ZNF385D: variants seen among roughly 807,000 people sequenced by gnomAD.
ZNF385D encodes zinc finger protein 385D.
ZNF385D carries 15 observed loss-of-function variants against 35.8 expected under a neutral mutation model. That is an observed-to-expected ratio of 0.42 (90% CI 0.28 to 0.64). The LOEUF is 0.64. Ranked by LOEUF, ZNF385D falls within the 30% of genes least tolerant of loss-of-function variation. The pLI is 0.23. For missense variants in ZNF385D, 474 were observed against 494.6 expected (o/e 0.96, Z 0.39); for synonymous variants, 212 against 186.8 (o/e 1.13, Z -1.10).
At chr3:21,719,110 A>C (rs1433048187) in intron 1 of ZNF385D, among the ~76,000 whole-genome samples, 1 of 152,172 alleles carries the variant, frequency 6.6e-6, no homozygotes, top group Non-Finnish European at 1.5e-5. Context: ...GTACTGATAA[A>C]GCCCAGGCAA....
intron 3 of ZNF385D, among the ~76,000 whole-genome samples, chr3:21,546,361 T>G (rs560094740): frequency 6.6e-6 from 1 of 151,926 alleles, no homozygotes; most frequent in African/African-American, 2.4e-5. Context: ...CACCCAGAGG[T>G]TTCCTTTTGG....
At chr3:22,300,600 CAAAT>C (rs1702847890) in intron 2 of ZNF385D, among the ~76,000 whole-genome samples, 1 of 151,850 alleles carries the variant, frequency 6.6e-6, no homozygotes, top group East Asian at 1.9e-4. Context: ...AGCAAGAAAA[CAAAT>C]AACCCAATTT....
intron 3 of ZNF385D, among the ~76,000 whole-genome samples, chr3:21,914,387 T>C (rs1349035319): frequency 6.7e-6 from 1 of 148,868 alleles, no homozygotes; most frequent in African/African-American, 2.4e-5. Context: ...TTGACTTTTT[T>C]TTTTTTTTTT....
intron 3 of ZNF385D, among the ~76,000 whole-genome samples, chr3:21,866,449 T>G (rs1263086023): frequency 6.6e-6 from 1 of 152,098 alleles, no homozygotes; most frequent in Admixed American, 6.6e-5. Flanking sequence ...GGAGTGAAAC[T>G]CCATCTTAAA....
intron 3 of ZNF385D, among the ~76,000 whole-genome samples, chr3:21,836,284 C>T (rs1482623471): frequency 2.0e-5 from 3 of 152,008 alleles, no homozygotes; most frequent in South Asian, 2.1e-4. Context: ...GTCACTTTTT[C>T]GATTAAAGTA....
intron 2 of ZNF385D, among the ~76,000 whole-genome samples, chr3:22,184,204 G>A (rs143644710): frequency 1.3e-5 from 2 of 152,120 alleles, no homozygotes; most frequent in Non-Finnish European, 2.9e-5. Flanking sequence ...GTAAGAAGGA[G>A]GTGAACAAAT....
At chr3:21,509,804 A>G (rs939091036) in intron 4 of ZNF385D, among the ~76,000 whole-genome samples, 3 of 152,194 alleles carry the variant, frequency 2.0e-5, no homozygotes, top group African/African-American at 7.2e-5. Flanking sequence ...AAGAAAATAC[A>G]AAATGCCACA....
intron 3 of ZNF385D, among the ~76,000 whole-genome samples, chr3:21,981,530 T>C (rs1269516329): frequency 6.6e-6 from 1 of 152,144 alleles, no homozygotes; most frequent in Non-Finnish European, 1.5e-5. Flanking sequence ...ATCCTGTTGA[T>C]AATTTCTTTT....
chr3:22,040,202 A>G (rs770328187), intron 3 of ZNF385D, among the ~76,000 whole-genome samples: 32 of 152,294 alleles, frequency 2.1e-4, no homozygotes, highest in Middle Eastern at 3.4e-3. Flanking sequence ...ACATCTTTGT[A>G]AATGCTTCCT....
At position 22,193,544 on chromosome 3, in the gene ZNF385D, C is replaced by A. The variant is rs188938404; in HGVS notation, c.107-24509G>T. 2.6e-3 allele frequency among the ~76,000 whole-genome samples: 396 copies of A among 152,026 alleles called. 1 individual carries two copies. The highest frequency in any genetic ancestry group is 9.2e-3 in the African/African-American group (383 of 41,524). ...TTAGCAGAATTATTTCCTGTAGAAT[C>A]TTTACTGTTTTGGTTTGTATTGTAA... is the stretch of plus-strand genomic sequence containing the variant. On this transcript the variant is annotated intron_variant, in intron 2 of 5. Transcript: ENST00000494108.
chr3:21,744,462 C>T lies in ZNF385D; in HGVS notation c.22+6433G>A, dbSNP rs181219035. Among the ~76,000 whole-genome samples the T allele has an allele frequency of 6.9e-3, 1,054 of 152,282 alleles. 9 individuals are homozygous for T. Among genetic ancestry groups the T allele is most frequent in the African/African-American group, 0.023 (954 of 41,556 alleles). On this transcript the variant is annotated intron_variant, in intron 1 of 7. Coordinates refer to ENST00000281523, the MANE Select transcript of ZNF385D (RefSeq NM_024697.3). ...GCAAAATTGTATTCATTTTCTTCTG[C>T]CATCATAAATGACAACCTTCAAAAC...
In ZNF385D at chr3:22,372,498, C is replaced by A. The variant is rs1236396396; in HGVS notation, c.58G>T (p.Gly20Ter). ...GCCCCCAGGAGCTTTTCTCTCCTTC[C>A]TCCCACCGAGCTCTTCATTCTCCTG... The change falls in exon 2 of 6, where the codon GGA (glycine) becomes TGA (stop). Residue 20 changes from glycine to a stop codon, truncating the protein, a stop_gained. Coordinates refer to the ZNF385D transcript ENST00000494108. LOFTEE classifies it high-confidence loss of function. 10 of 985,818 alleles carry A rather than the reference C, an allele frequency of 1.0e-5. No homozygotes were observed. Among genetic ancestry groups the A allele is most frequent in the Non-Finnish European group, 1.1e-5 (9 of 829,996 alleles). 61.1% of individuals were successfully genotyped at this position (985,818 alleles called of 1,614,324 possible). A position where few individuals can be genotyped will look rare whatever the true frequency, so the allele number is the denominator to read the frequency against.
At chr3:22,094,385 GAT>G (rs140274686) in intron 3 of ZNF385D, among the ~76,000 whole-genome samples, 14,836 of 70,754 alleles carry the variant, frequency 0.21, 1,600 homozygotes, top group Admixed American at 0.33. Context: ...ATTTATTGTT[GAT>G]ATATATATAT....
intron 2 of ZNF385D, among the ~76,000 whole-genome samples, chr3:22,359,049 CA>C (rs1696286952): frequency 1.6e-5 from 1 of 63,356 alleles, no homozygotes; most frequent in South Asian, 1.1e-3. Context: ...CGTATTAAAA[CA>C]AACAAACAAA....
At chr3:22,161,374 T>C (rs1705937007) in intron 3 of ZNF385D, among the ~76,000 whole-genome samples, 1 of 152,082 alleles carries the variant, frequency 6.6e-6, no homozygotes, top group Non-Finnish European at 1.5e-5. Context: ...TACATTTGTA[T>C]GCAGTATATA....
chr3:21,919,567 G>C (rs1029872165), intron 3 of ZNF385D, among the ~76,000 whole-genome samples: 7 of 152,318 alleles, frequency 4.6e-5, no homozygotes, highest in Non-Finnish European at 8.8e-5. Context: ...TCTTGCCACA[G>C]CCACATTTCC....
chr3:22,023,045 T>C (rs1358075805), intron 3 of ZNF385D, among the ~76,000 whole-genome samples: 3 of 152,192 alleles, frequency 2.0e-5, no homozygotes, highest in Non-Finnish European at 2.9e-5. Context: ...ATAATGTGTA[T>C]TCCAGGCTGC....
chr3:22,095,545 T>G (rs1169899737), intron 3 of ZNF385D, among the ~76,000 whole-genome samples: 6 of 152,144 alleles, frequency 3.9e-5, no homozygotes, highest in African/African-American at 1.4e-4. Context: ...TGATGTGATC[T>G]GTGAATGAAA....
At chr3:21,553,041 GC>G (rs2062618163) in intron 3 of ZNF385D, among the ~76,000 whole-genome samples, 1 of 152,216 alleles carries the variant, frequency 6.6e-6, no homozygotes, top group African/African-American at 2.4e-5. Flanking sequence ...TCTGGCCCTT[GC>G]TGTTTTTGAA....
Sources: allele counts gnomAD v4.1 joint callset (sites outside exome capture counted in the v4.1 genomes callset), GRCh38; gene constraint gnomAD v4.1.1; transcripts MANE v1.5; gene names NCBI Gene and HGNC (gene_info 2026-07-23, HGNC 2026-07-21).